Variants in FAM20C observed in about 807,000 individuals in gnomAD.
FAM20C encodes FAM20C golgi associated secretory pathway kinase, also known as extracellular serine/threonine protein kinase FAM20C.
A neutral mutation model predicts 51.5 loss-of-function variants in FAM20C; 40 were observed. The ratio of observed to expected loss-of-function variants is 0.78; its 90% CI spans 0.60 to 1.01. The LOEUF is 1.01. Ranked by LOEUF, FAM20C falls within the 50% of genes least tolerant of loss-of-function variation. The pLI, the probability that FAM20C is intolerant of heterozygous loss-of-function variation, is 0.00. For synonymous variants in FAM20C, 406 were observed against 380.6 expected (o/e 1.07, Z -0.78); for missense variants, 861 against 844.7 (o/e 1.02, Z -0.24).
intron 3 of FAM20C, among the ~76,000 whole-genome samples, chr7:242,968 G>C (rs1787996640): frequency 6.6e-6 from 1 of 152,076 alleles, no homozygotes; most frequent in Non-Finnish European, 1.5e-5. Flanking sequence ...CGGGATACCT[G>C]TGCCACCCGG....
At chr7:255,810 C>G in intron 5 of FAM20C, 39 bp from the exon 6 acceptor site, 12 of 1,535,234 alleles carry the variant, frequency 7.8e-6, no homozygotes, top group Non-Finnish European at 1.0e-5. Flanking sequence ...GGACGCAGCC[C>G]TGTGCGGCCC....
chr7:229,032 C>G, intron 3 of FAM20C: 1 of 351,948 alleles, frequency 2.8e-6, no homozygotes, highest in Non-Finnish European at 5.6e-6. Context: ...ACGCACCCCA[C>G]CCCCCCACCA....
At chr7:233,519 C>G (rs928141666) in intron 3 of FAM20C, among the ~76,000 whole-genome samples, 23,529 of 152,186 alleles carry the variant, frequency 0.15, 4,054 homozygotes, top group African/African-American at 0.43. Context: ...TCTAAAAGGA[C>G]GTGCAGGCTG....
chr7:258,084 TG>T lies in FAM20C; in HGVS notation c.1446-558del, dbSNP rs796633917. On this transcript the variant is annotated intron_variant, in intron 8 of 9. Coordinates refer to ENST00000313766, the MANE Select transcript of FAM20C (RefSeq NM_020223.4). ...GACCCACTGCCTGGGGTGCTGGAGA[TG>T]GGGCTGGGTGGACCCACTGCCCGGG... Among the ~76,000 whole-genome samples, 86 of 67,330 alleles carry T rather than the reference TG, an allele frequency of 1.3e-3. 1 individual carries two copies. The highest frequency in any genetic ancestry group is 5.9e-3 in the South Asian group (11 of 1,852). The allele number at this position is 67,330 out of a possible 152,430, so 44.2% of individuals were successfully genotyped here. A position where few individuals can be genotyped will look rare whatever the true frequency, so the allele number is the denominator to read the frequency against.
chr7:240,780 G>A (rs936966846), intron 3 of FAM20C, among the ~76,000 whole-genome samples: 6 of 152,096 alleles, frequency 3.9e-5, no homozygotes, highest in East Asian at 3.9e-4. Flanking sequence ...ATTGTGGCCC[G>A]GGCCAAGCAC....
At chr7:219,180 G>C (rs1365966772) in intron 3 of FAM20C, among the ~76,000 whole-genome samples, 2 of 152,182 alleles carry the variant, frequency 1.3e-5, no homozygotes, top group Non-Finnish European at 2.9e-5. Flanking sequence ...GCTCCACCTG[G>C]GGCGAGGTTT....
intron 7 of FAM20C, 35 bp downstream of exon 7, chr7:256,798 C>T (rs748939278): frequency 1.3e-6 from 2 of 1,523,466 alleles, no homozygotes; most frequent in Admixed American, 2.0e-5. Context: ...CCCCGTGTCA[C>T]TCGCCTTGCG....
At position 223,348 on chromosome 7, in the gene FAM20C, G is replaced by A. The variant is rs73671787; in HGVS notation, c.863+14372G>A. On this transcript the variant is annotated intron_variant, in intron 3 of 9. Transcript: ENST00000313766. ...TGAGTCTTAGCTCAGCATTGTGTCC[G>A]CAGCACTAGCCACATAGCAGGGGCT... 4.0e-3 allele frequency among the ~76,000 whole-genome samples: 605 copies of A among 152,294 alleles called. 3 individuals are homozygous for A. The highest frequency in any genetic ancestry group is 0.014 in the African/African-American group (571 of 41,558).
intron 3 of FAM20C, chr7:228,230 T>G: frequency 3.1e-6 from 1 of 319,374 alleles, no homozygotes; most frequent in Non-Finnish European, 6.3e-6. Flanking sequence ...TCTGAGAAAA[T>G]AAAAGATAGG....
intron 3 of FAM20C, among the ~76,000 whole-genome samples, chr7:213,190 G>A (rs191735126): frequency 3.9e-4 from 53 of 137,032 alleles, no homozygotes; most frequent in African/African-American, 1.2e-3. Flanking sequence ...TGACATGGAC[G>A]GCTGTGGAGT....
chr7:237,750 AATG>A (rs1174722369), intron 3 of FAM20C, among the ~76,000 whole-genome samples: 2 of 142,982 alleles, frequency 1.4e-5, no homozygotes, highest in Non-Finnish European at 3.1e-5. Context: ...AGATGATGAT[AATG>A]ATGATGATGG....
chr7:256,857 C>A (rs1788609955), intron 7 of FAM20C, 94 bp downstream of exon 7: 7 of 1,430,788 alleles, frequency 4.9e-6, no homozygotes, highest in African/African-American at 1.4e-5. Flanking sequence ...GTGGCACGGC[C>A]CGGCTGCGGT....
chr7:212,120 GCTGTGGTT>G, intron 3 of FAM20C, among the ~76,000 whole-genome samples: 1 of 152,354 alleles, frequency 6.6e-6, no homozygotes, highest in Middle Eastern at 3.4e-3. Context: ...TACGAAAGCA[GCTGTGGTT>G]CATGACCATA....
chr7:259,452 CTCTG>C (rs1032275556), intron 9 of FAM20C, among the ~76,000 whole-genome samples: 3 of 143,782 alleles, frequency 2.1e-5, no homozygotes, highest in Non-Finnish European at 4.7e-5. Context: ...CTGTGTCTGT[CTCTG>C]TCTCTCTCTC....
chr7:202,478 A>G (rs928487783), intron 2 of FAM20C, among the ~76,000 whole-genome samples: 3 of 134,794 alleles, frequency 2.2e-5, no homozygotes, highest in Non-Finnish European at 4.7e-5. Context: ...TCCCATGTGC[A>G]TAGAGAGAAT....
At chr7:252,811 G>A (rs1428796969) in intron 5 of FAM20C, among the ~76,000 whole-genome samples, 2 of 152,252 alleles carry the variant, frequency 1.3e-5, no homozygotes, top group African/African-American at 4.8e-5. Context: ...TGTAGGGGCC[G>A]GGCCGCAGTC....
intron 3 of FAM20C, among the ~76,000 whole-genome samples, chr7:242,319 G>T (rs1277135956): frequency 6.6e-6 from 1 of 152,324 alleles, no homozygotes; most frequent in African/African-American, 2.4e-5. Context: ...CTGTGGGTCC[G>T]GGGACGCGGA....
chr7:257,559 G>A (rs368605440), intron 8 of FAM20C: 28 of 174,362 alleles, frequency 1.6e-4, no homozygotes, highest in African/African-American at 5.3e-4. Context: ...CGAGTAACTC[G>A]GGCAGGAGGA....
At chr7:203,355 C>G (rs1012896541) in intron 2 of FAM20C, among the ~76,000 whole-genome samples, 3 of 152,044 alleles carry the variant, frequency 2.0e-5, no homozygotes, top group African/African-American at 7.2e-5. Flanking sequence ...GGTCTATCTT[C>G]AAGAAAACCC....
Sources: allele counts gnomAD v4.1 joint callset (sites outside exome capture counted in the v4.1 genomes callset), GRCh38; gene constraint gnomAD v4.1.1; transcripts MANE v1.5; gene names NCBI Gene and HGNC (gene_info 2026-07-23, HGNC 2026-07-21).